Variants in MDGA1 observed in about 807,000 individuals in gnomAD.
The protein encoded by MDGA1 is MAM domain-containing glycosylphosphatidylinositol anchor protein 1.
A neutral mutation model predicts 101.5 loss-of-function variants in MDGA1; 54 were observed. The observed-to-expected ratio is 0.53, with a 90% confidence interval of 0.43 to 0.67. The LOEUF is 0.67. Ranked by LOEUF, MDGA1 falls within the 30% of genes least tolerant of loss-of-function variation. The pLI is 0.00. For synonymous variants in MDGA1, 533 were observed against 558.3 expected, an observed-to-expected ratio of 0.95 and a Z score of 0.64; for missense variants, 1,083 against 1,323.8, an observed-to-expected ratio of 0.82 and a Z score of 2.82.
chr6:37,657,917 C>T (rs1000437087), intron 3 of MDGA1, among the ~76,000 whole-genome samples: 6 of 151,878 alleles, frequency 4.0e-5, no homozygotes, highest in Non-Finnish European at 8.8e-5. Context: ...CTGTGTCTTC[C>T]TCTCAGCTCT....
chr6:37,664,842 GACACAC>G (rs35594367), intron 1 of MDGA1, among the ~76,000 whole-genome samples: 1,441 of 55,130 alleles, frequency 0.026, 19 homozygotes, highest in East Asian at 0.047. Flanking sequence ...CCTAACCTAA[GACACAC>G]ACACACACAC....
chr6:37,663,647 A>G (rs548128816), intron 2 of MDGA1, among the ~76,000 whole-genome samples: 1 of 152,372 alleles, frequency 6.6e-6, no homozygotes, highest in African/African-American at 2.4e-5. Flanking sequence ...TGCCTGGCAC[A>G]TGGTCTGCCC....
At chr6:37,674,285 C>CCTTT (rs1357484277) in intron 1 of MDGA1, among the ~76,000 whole-genome samples, 7 of 152,250 alleles carry the variant, frequency 4.6e-5, no homozygotes, top group African/African-American at 1.7e-4. Context: ...AATACAGCAA[C>CCTTT]CAGCCACAGC....
intron 1 of MDGA1, among the ~76,000 whole-genome samples, chr6:37,672,945 C>A (rs187140586): frequency 6.6e-6 from 1 of 151,378 alleles, no homozygotes; most frequent in Non-Finnish European, 1.5e-5. Context: ...GGTCTCCCCC[C>A]ACCCCCCATC....
chr6:37,691,374 T>C (rs550193754), intron 1 of MDGA1, among the ~76,000 whole-genome samples: 29 of 152,274 alleles, frequency 1.9e-4, no homozygotes, highest in African/African-American at 6.5e-4. Context: ...CAGAACGTCA[T>C]GGAAGCAAAG....
chr6:37,652,015 C>T lies in MDGA1; in HGVS notation c.1308G>A (p.Glu436=). 1.3e-6 allele frequency: 2 copies of T among 1,587,960 alleles called. No homozygotes were observed. The highest frequency in any genetic ancestry group is 1.7e-6 in the Non-Finnish European group (2 of 1,168,950). The part of the protein sequence containing the change: ...DLSVEVNISS[E]TVPPTISVPK... ...AGTGCCCCTCCAGCTGCCCACCTGT[C>T]TCAGAGGAGATGTTGACCTCGACGC... Residue 436 remains glutamate (E), a synonymous_variant, in exon 7 of 17, where the codon GAG becomes GAA. Coordinates refer to ENST00000434837, the MANE Select transcript of MDGA1 (RefSeq NM_153487.4). The surrounding 1 kb of genome is among the most constrained non-coding windows in gnomAD (Gnocchi z 4.3).
At chr6:37,691,541 G>A (rs1762308601) in intron 1 of MDGA1, among the ~76,000 whole-genome samples, 1 of 152,190 alleles carries the variant, frequency 6.6e-6, no homozygotes, top group South Asian at 2.1e-4. Flanking sequence ...GGGTTATCAA[G>A]TGAGGTTTAC....
At chr6:37,648,634 C>A in intron 9 of MDGA1, 2 of 357,990 alleles carry the variant, frequency 5.6e-6, no homozygotes, top group Non-Finnish European at 1.0e-5. Flanking sequence ...GGTTGTCACA[C>A]GCCCAGGAAG....
intron 1 of MDGA1, among the ~76,000 whole-genome samples, chr6:37,675,807 C>CT (rs1761966746): frequency 1.3e-5 from 2 of 152,202 alleles, no homozygotes; most frequent in African/African-American, 2.4e-5. Flanking sequence ...CCACCAAGCT[C>CT]TGCTGGTCTT....
intron 10 of MDGA1, among the ~76,000 whole-genome samples, 169 bp from the exon 11 acceptor site, chr6:37,646,544 A>C (rs964820759): frequency 2.0e-5 from 3 of 152,338 alleles, no homozygotes; most frequent in African/African-American, 7.2e-5. Context: ...CACTGTTCTA[A>C]GTATATTGCC....
chr6:37,685,827 G>A (rs1171779217), intron 1 of MDGA1, among the ~76,000 whole-genome samples: 1 of 152,112 alleles, frequency 6.6e-6, no homozygotes, highest in East Asian at 1.9e-4. Context: ...TCTCTTCTGG[G>A]CATCTTCAGA....
chr6:37,647,435 C>G, intron 9 of MDGA1, 111 bp from the exon 10 acceptor site: 5 of 613,786 alleles, frequency 8.1e-6, no homozygotes, highest in South Asian at 4.8e-5. Flanking sequence ...AGAGAGGGGA[C>G]GGAGAAACAA....
chr6:37,674,423 C>T (rs1761934843), intron 1 of MDGA1, among the ~76,000 whole-genome samples: 1 of 152,248 alleles, frequency 6.6e-6, no homozygotes, highest in Admixed American at 6.5e-5. Flanking sequence ...GAGCCTGCCA[C>T]TGTGGCGCCT....
chr6:37,680,651 T>C (rs1033875362), intron 1 of MDGA1, among the ~76,000 whole-genome samples: 20 of 152,208 alleles, frequency 1.3e-4, no homozygotes, highest in African/African-American at 4.8e-4. Context: ...GGCTGGGAAG[T>C]AAGCATGAGC....
intron 1 of MDGA1, among the ~76,000 whole-genome samples, chr6:37,665,873 C>T (rs1297433330): frequency 6.6e-6 from 1 of 152,206 alleles, no homozygotes; most frequent in Non-Finnish European, 1.5e-5. Context: ...TGCATTCCCC[C>T]TTTGTGAATA....
intron 1 of MDGA1, among the ~76,000 whole-genome samples, chr6:37,692,547 T>C (rs895334728): frequency 9.2e-5 from 14 of 152,048 alleles, no homozygotes; most frequent in Non-Finnish European, 1.6e-4. Context: ...CCTGGGCAGC[T>C]GGGAGAAGCT....
chr6:37,654,991 T>C (rs939228009), intron 4 of MDGA1, 59 bp from the exon 5 acceptor site: 16 of 1,592,904 alleles, frequency 1.0e-5, no homozygotes, highest in Non-Finnish European at 1.3e-5. Flanking sequence ...GGATCCCGCA[T>C]ACTCATTCAC....
At position 37,696,872 on chromosome 6, in the gene MDGA1, A is replaced by G. The variant is rs1581640872; in HGVS notation, c.-61T>C. On this transcript the variant is annotated 5_prime_UTR_variant, in exon 1 of 17. The change abolishes an upstream ATG in the 5' untranslated region. Transcript: ENST00000434837. This position sits in a 1 kb window ranked among gnomAD's most constrained non-coding sequence, Gnocchi z 5.6. Reference sequence around the variant, plus strand: ...CAGCCCGAGAGGCGGCGGGGGGCGCATTCGCCGGGGCCCCGCGACGCCCCT... The same window carrying G: ...CAGCCCGAGAGGCGGCGGGGGGCGCGTTCGCCGGGGCCCCGCGACGCCCCT... The G allele has an allele frequency of 6.9e-7, 1 of 1,440,806 alleles. No individual in the cohort carries two copies. Among genetic ancestry groups the G allele is most frequent in the Non-Finnish European group, 9.5e-7 (1 of 1,048,190 alleles). The allele number at this position is 1,440,806 out of a possible 1,614,324, so 89.3% of individuals were successfully genotyped here.
chr6:37,646,881 T>C (rs1761214337), intron 10 of MDGA1, among the ~76,000 whole-genome samples: 1 of 152,166 alleles, frequency 6.6e-6, no homozygotes. Context: ...GAGTTGATTC[T>C]ATGTTCTGTG....
Sources: allele counts gnomAD v4.1 joint callset (sites outside exome capture counted in the v4.1 genomes callset), GRCh38; gene constraint gnomAD v4.1.1; non-coding constraint Gnocchi (gnomAD v3.1); transcripts MANE v1.5; gene names NCBI Gene and HGNC (gene_info 2026-07-23, HGNC 2026-07-21).